The following ADGRL2 variants were observed in gnomAD, a reference collection of about 807,000 sequenced individuals.
The protein encoded by ADGRL2 is calcium-independent alpha-latrotoxin receptor 2.
In ADGRL2, 44 loss-of-function variants were observed where a neutral mutation model predicts 157.4. That is an observed-to-expected ratio of 0.28 (90% CI 0.22 to 0.36). The LOEUF (loss-of-function observed/expected upper bound fraction) is 0.36, where lower values mean the gene tolerates loss of function less well. ADGRL2 is among the 10% of genes least tolerant of loss of function. ADGRL2 has a pLI of 1.00. For missense variants in ADGRL2, 1,510 were observed against 1,768.9 expected, an observed-to-expected ratio of 0.85 and a Z score of 2.63; for synonymous variants, 585 against 624.7, an observed-to-expected ratio of 0.94 and a Z score of 0.95.
At chr1:81,588,847 T>C (rs546131458) in intron 3 of ADGRL2, among the ~76,000 whole-genome samples, 3 of 152,288 alleles carry the variant, frequency 2.0e-5, no homozygotes, top group Non-Finnish European at 4.4e-5. Context: ...CCCGCTAGTC[T>C]ATTGGCATAA....
chr1:81,735,552 G>A (rs1235498048), intron 1 of ADGRL2, among the ~76,000 whole-genome samples: 3 of 152,152 alleles, frequency 2.0e-5, no homozygotes, highest in Admixed American at 6.5e-5. Context: ...CACTTTGGGA[G>A]GCTGAGGCAG....
chr1:81,702,743 T>G (rs948318672), intron 1 of ADGRL2, among the ~76,000 whole-genome samples: 11 of 152,254 alleles, frequency 7.2e-5, no homozygotes, highest in African/African-American at 2.7e-4. Context: ...TATGGATTAC[T>G]GGTATCTTTA....
intron 1 of ADGRL2, among the ~76,000 whole-genome samples, chr1:81,313,305 C>T (rs1325850131): frequency 6.6e-6 from 1 of 152,170 alleles, no homozygotes; most frequent in African/African-American, 2.4e-5. Flanking sequence ...AGTGAGCAGA[C>T]CACAGGTGTA....
At chr1:81,592,739 C>T (rs2081156446) in intron 3 of ADGRL2, among the ~76,000 whole-genome samples, 1 of 152,092 alleles carries the variant, frequency 6.6e-6, no homozygotes, top group Admixed American at 6.6e-5. Flanking sequence ...CTCTGGAGCA[C>T]CAGAGGTCAA....
At chr1:81,454,034 C>A (rs2077751992) in intron 2 of ADGRL2, among the ~76,000 whole-genome samples, 1 of 152,056 alleles carries the variant, frequency 6.6e-6, no homozygotes, top group African/African-American at 2.4e-5. Flanking sequence ...ACTTAAGGTG[C>A]CGGCAAATAA....
chr1:81,598,900 A>G (rs1373460048), intron 3 of ADGRL2, among the ~76,000 whole-genome samples: 1 of 152,228 alleles, frequency 6.6e-6, no homozygotes, highest in Non-Finnish European at 1.5e-5. Context: ...TATTTATGCC[A>G]TGAGCCTTTT....
At chr1:81,989,524 T>A (rs752125990) in intron 23 of ADGRL2, 3 of 629,638 alleles carry the variant, frequency 4.8e-6, no homozygotes, top group South Asian at 4.5e-5. Context: ...ATAATAAATA[T>A]TAAATGAAAA....
intron 1 of ADGRL2, among the ~76,000 whole-genome samples, chr1:81,828,742 G>T (rs970432745): frequency 3.3e-5 from 5 of 152,036 alleles, no homozygotes; most frequent in African/African-American, 1.2e-4. Flanking sequence ...CTCCATGTTT[G>T]AGTAGTTAAG....
intron 2 of ADGRL2, among the ~76,000 whole-genome samples, chr1:81,543,974 G>A (rs1378655371): frequency 2.6e-5 from 4 of 151,994 alleles, no homozygotes; most frequent in South Asian, 2.1e-4. Context: ...CTAGATAGCC[G>A]CAGGGTACAT....
chr1:81,493,534 G>A (rs1291072771), intron 2 of ADGRL2, among the ~76,000 whole-genome samples: 1 of 152,170 alleles, frequency 6.6e-6, no homozygotes, highest in African/African-American at 2.4e-5. Flanking sequence ...GAAGACAGTG[G>A]CTGTATGTTT....
At chr1:81,335,606 A>G (rs898869452) in intron 1 of ADGRL2, among the ~76,000 whole-genome samples, 11 of 152,226 alleles carry the variant, frequency 7.2e-5, no homozygotes, top group Non-Finnish European at 1.5e-4. Flanking sequence ...AGGATTAAAC[A>G]TAATTTCCAT....
At chr1:81,523,589 A>G (rs1016116521) in intron 2 of ADGRL2, among the ~76,000 whole-genome samples, 1 of 152,198 alleles carries the variant, frequency 6.6e-6, no homozygotes, top group African/African-American at 2.4e-5. Context: ...AAAACAAAAA[A>G]TGGTTGATCT....
chr1:81,336,836 G>A (rs544111529), intron 1 of ADGRL2, among the ~76,000 whole-genome samples: 1 of 152,102 alleles, frequency 6.6e-6, no homozygotes, highest in Non-Finnish European at 1.5e-5. Context: ...TTTCCCACTC[G>A]AATGTTACCT....
At chr1:81,666,878 C>A (rs959757967) in intron 3 of ADGRL2, among the ~76,000 whole-genome samples, 9 of 152,110 alleles carry the variant, frequency 5.9e-5, no homozygotes, top group Non-Finnish European at 1.5e-5. Flanking sequence ...TGGATTTGAA[C>A]AATTATCCTC....
At position 81,814,436 on chromosome 1, in the gene ADGRL2, A is replaced by G. The variant is rs538195091; in HGVS notation, c.-101+13368A>G. On this transcript the variant is annotated intron_variant, in intron 1 of 23. Coordinates refer to ENST00000686636, the MANE Select transcript of ADGRL2 (RefSeq NM_001366006.2). Reference sequence around the variant, plus strand: ...TAAATATAAATTTTATAAGAATGGGAGTCAAATATTTGAACATGTTAAACA... The same window carrying G: ...TAAATATAAATTTTATAAGAATGGGGGTCAAATATTTGAACATGTTAAACA... Among the ~76,000 whole-genome samples the G allele has an allele frequency of 2.6e-5, 4 of 151,488 alleles. No individual in the cohort carries two copies. The East Asian group carries it at 7.7e-4, about 29-fold the overall frequency.
chr1:81,943,910 C>T lies in ADGRL2; in HGVS notation c.1210+141C>T, dbSNP rs1311716154. The T allele has an allele frequency of 3.1e-6, 2 of 639,668 alleles. No homozygotes were observed. Among genetic ancestry groups the T allele is most frequent in the East Asian group, 2.8e-5 (1 of 36,254 alleles). The allele number at this position is 639,668 out of a possible 1,614,324, so 39.6% of individuals were successfully genotyped here. On this transcript the variant is annotated intron_variant, in intron 6 of 23. Transcript: ENST00000686636. The surrounding 1 kb of genome is among the most constrained non-coding windows in gnomAD (Gnocchi z 5.6). ...GGACAATGTTGTGGTACATTTTAGC[C>T]TTATTATGGTTCGTTTTCTTTTTCT...
At chr1:81,766,059 G>A (rs983496490) in intron 2 of ADGRL2, among the ~76,000 whole-genome samples, 6 of 152,022 alleles carry the variant, frequency 3.9e-5, no homozygotes, top group East Asian at 3.9e-4. Context: ...TGGGATTTCC[G>A]GTTTCATACA....
At chr1:81,570,207 T>C (rs1322782932) in intron 2 of ADGRL2, among the ~76,000 whole-genome samples, 2 of 152,214 alleles carry the variant, frequency 1.3e-5, no homozygotes, top group Non-Finnish European at 2.9e-5. Context: ...AGGGATCACT[T>C]GGACCATCTT....
At chr1:81,507,938 G>C (rs543033715) in intron 2 of ADGRL2, among the ~76,000 whole-genome samples, 1 of 151,576 alleles carries the variant, frequency 6.6e-6, no homozygotes, top group East Asian at 1.9e-4. Context: ...GGAAAAAATA[G>C]TGTTAAAGGT....
Sources: gnomAD v4.1 joint callset for allele counts (sites outside exome capture counted in the v4.1 genomes callset) on GRCh38, gnomAD v4.1.1 for gene constraint, Gnocchi (gnomAD v3.1) non-coding constraint, MANE v1.5 for transcripts, NCBI Gene and HGNC (gene_info 2026-07-23, HGNC 2026-07-21) for gene names.